NOS1: variants seen among roughly 807,000 people sequenced by gnomAD.
NOS1 encodes NOS type I.
NOS1 carries 51 observed loss-of-function variants against 164.5 expected under a neutral mutation model. The observed-to-expected ratio is 0.31, with a 90% CI of 0.25 to 0.39. The LOEUF is 0.39. Ranked by LOEUF, NOS1 falls within the 10% of genes least tolerant of loss-of-function variation. The pLI is 1.00. For synonymous variants in NOS1, 719 were observed against 745.8 expected (o/e 0.96, Z 0.59); for missense variants, 1,362 against 1,885.6 (o/e 0.72, Z 5.14).
intron 28 of NOS1, 60 bp downstream of exon 28, chr12:117,217,986 C>A: frequency 1.7e-6 from 2 of 1,206,568 alleles, no homozygotes; most frequent in Non-Finnish European, 2.5e-6. Flanking sequence ...CATTCCTGCC[C>A]AGTGGGACCT....
Position 117,255,924 on chromosome 12 carries a change from T to C in NOS1, c.2532-2170A>G, listed in dbSNP as rs544424542. 4.0e-6 allele frequency: 6 copies of C among 1,482,762 alleles called. No homozygotes were observed. The East Asian group carries it at 1.6e-4, about 40-fold the overall frequency. 91.9% of individuals were successfully genotyped at this position (1,482,762 alleles called of 1,614,324 possible). ...TCGCACACACCTGCGTGTACACACA[T>C]GCACACTCTACCTGTGCTGGCTGTC... On this transcript the variant is annotated intron_variant, in intron 16 of 28. Transcript: ENST00000317775.
intron 6 of NOS1, 146 bp downstream of exon 6, chr12:117,285,958 G>A (rs1874083630): frequency 1.2e-6 from 1 of 805,472 alleles, no homozygotes; most frequent in Middle Eastern, 3.8e-4. Context: ...ATCTTGGAAT[G>A]TGGGACCCCG....
chr12:117,248,333 C>T (rs9658459), intron 17 of NOS1, among the ~76,000 whole-genome samples: 14,474 of 151,064 alleles, frequency 0.096, 2,152 homozygotes, highest in African/African-American at 0.32. Flanking sequence ...TCTCCCAATG[C>T]TATCCCTCCC....
At position 117,215,106 on chromosome 12, in the gene NOS1, T is replaced by G. The variant is rs982107291; in HGVS notation, c.*203A>C. ...AGAGCCACTGCAGATTAGAAAAGCA[T>G]TGCATCGCAGCAGGAAAACTCAAGG... On this transcript the variant is annotated 3_prime_UTR_variant, in exon 29 of 29. Transcript: ENST00000317775. The G allele has an allele frequency of 3.9e-6, 5 of 1,269,574 alleles. No homozygotes were observed. The Admixed American group carries it at 1.9e-4, about 49-fold the overall frequency. The allele number at this position is 1,269,574 out of a possible 1,614,324, so 78.6% of individuals were successfully genotyped here. A position where few individuals can be genotyped will look rare whatever the true frequency, so the allele number is the denominator to read the frequency against.
At chr12:117,262,176 A>G (rs9658412) in intron 13 of NOS1, among the ~76,000 whole-genome samples, 3 of 152,216 alleles carry the variant, frequency 2.0e-5, no homozygotes, top group Non-Finnish European at 4.4e-5. Context: ...GTTCCCTTTG[A>G]ATAATTTGAG....
chr12:117,232,022 C>T lies in NOS1; in HGVS notation c.3345G>A (p.Gln1115=). ...ITTPPTPLQL[Q]QFASLATSEK... Reference sequence around the variant, plus strand: ...CGCTGGTAGCTAGGGAGGCAAACTGCTGCAGCTGCAGAGGCGTTGGTGGCG... The same window carrying T: ...CGCTGGTAGCTAGGGAGGCAAACTGTTGCAGCTGCAGAGGCGTTGGTGGCG... Residue 1115 remains glutamine (Q), a synonymous_variant, in exon 22 of 29, where the codon CAG becomes CAA. Coordinates refer to ENST00000317775, the MANE Select transcript of NOS1 (RefSeq NM_000620.5). 6.2e-7 allele frequency: 1 copy of T among 1,612,820 alleles called. No individual in the cohort carries two copies. The highest frequency in any genetic ancestry group is 8.5e-7 in the Non-Finnish European group (1 of 1,180,018).
chr12:117,251,875 G>A (rs1330687371), intron 17 of NOS1, among the ~76,000 whole-genome samples: 1 of 151,566 alleles, frequency 6.6e-6, no homozygotes, highest in Non-Finnish European at 1.5e-5. Context: ...GGGACCACAG[G>A]TGCATGCCAC....
At chr12:117,341,114 T>C (rs1876091822) in intron 1 of NOS1, among the ~76,000 whole-genome samples, 1 of 152,112 alleles carries the variant, frequency 6.6e-6, no homozygotes, top group African/African-American at 2.4e-5. Flanking sequence ...TATTACTAAT[T>C]ATCATCACGT....
At chr12:117,302,594 CAAAAAAAAAA>C (rs144113071) in intron 3 of NOS1, among the ~76,000 whole-genome samples, 5 of 72,966 alleles carry the variant, frequency 6.9e-5, no homozygotes, top group Non-Finnish European at 1.3e-4. Flanking sequence ...GACTCCGTCT[CAAAAAAAAAA>C]AAAAAAAAAA....
chr12:117,338,376 G>A (rs961104416), intron 1 of NOS1, among the ~76,000 whole-genome samples: 4 of 150,778 alleles, frequency 2.7e-5, no homozygotes, highest in Non-Finnish European at 5.9e-5. Context: ...ATTCCAGCCT[G>A]GGTGACAGAA....
chr12:117,215,719 C>T (rs1157168040), intron 28 of NOS1, among the ~76,000 whole-genome samples: 1 of 152,114 alleles, frequency 6.6e-6, no homozygotes, highest in Non-Finnish European at 1.5e-5. Context: ...AGGCGTGAGC[C>T]ACTGCACCCG....
At chr12:117,335,539 A>G (rs1875764875) in intron 1 of NOS1, among the ~76,000 whole-genome samples, 1 of 151,990 alleles carries the variant, frequency 6.6e-6, no homozygotes, top group South Asian at 2.1e-4. Flanking sequence ...GGAAGCCCAA[A>G]TAGGCCAGCG....
chr12:117,263,300 G>A (rs1475591024), intron 13 of NOS1, among the ~76,000 whole-genome samples: 1 of 152,002 alleles, frequency 6.6e-6, no homozygotes, highest in African/African-American at 2.4e-5. Flanking sequence ...GTAGTGTGCT[G>A]GAGCTGACTA....
intron 27 of NOS1, among the ~76,000 whole-genome samples, chr12:117,219,009 C>T (rs1333528794): frequency 2.7e-5 from 4 of 148,356 alleles, no homozygotes; most frequent in Admixed American, 6.7e-5. Flanking sequence ...GACAGAGTCT[C>T]GCTCTGTCAC....
chr12:117,256,284 G>GGTTTTTTTTTTTTTTTT (rs1555252509), intron 16 of NOS1, among the ~76,000 whole-genome samples: 1 of 118,488 alleles, frequency 8.4e-6, no homozygotes, highest in Non-Finnish European at 1.6e-5. Context: ...GGGATTTTCT[G>GGTTTTTTTTTTTTTTTT]TTTTTTTTTT....
Position 117,253,620 on chromosome 12 carries a change from C to T in NOS1, c.2648+18G>A, listed in dbSNP as rs550165778. ...CTTAGTCTTCCCTGACCCCCGACCC[C>T]CTTATCCCCTTGCTCACCTCACATT... On this transcript the variant is annotated intron_variant, in intron 17 of 28. Transcript: ENST00000317775. The T allele has an allele frequency of 6.3e-7, 1 of 1,576,628 alleles. No individual in the cohort carries two copies. Among genetic ancestry groups the T allele is most frequent in the African/African-American group, 1.3e-5 (1 of 74,126 alleles).
chr12:117,273,919 G>A (rs1872974175), intron 9 of NOS1, among the ~76,000 whole-genome samples: 1 of 149,782 alleles, frequency 6.7e-6, no homozygotes, highest in Non-Finnish European at 1.5e-5. Flanking sequence ...AAGATTTTAT[G>A]AATAAGACCT....
chr12:117,212,062 T>A lies in NOS1; in HGVS notation c.*3247A>T. 1.1e-6 allele frequency: 1 copy of A among 894,148 alleles called. No individual in the cohort carries two copies. Among genetic ancestry groups the A allele is most frequent in the South Asian group, 5.8e-5 (1 of 17,170 alleles). The allele number at this position is 894,148 out of a possible 1,614,324, so 55.4% of individuals were successfully genotyped here. ...GCCTGGGTGACAGAGCAAGACTCTG[T>A]CAAAAAAAAAAATAGATTCTAACCT... On this transcript the variant is annotated 3_prime_UTR_variant, in exon 29 of 29. Transcript: ENST00000317775.
At chr12:117,225,298 C>T (rs918733488) in intron 24 of NOS1, among the ~76,000 whole-genome samples, 161 bp from the exon 25 acceptor site, 4 of 152,162 alleles carry the variant, frequency 2.6e-5, no homozygotes, top group Admixed American at 6.5e-5. Flanking sequence ...GGAGTCTCAT[C>T]GATTAGGGGA....
Sources: gnomAD v4.1 joint callset for allele counts (sites outside exome capture counted in the v4.1 genomes callset) on GRCh38, gnomAD v4.1.1 for gene constraint, MANE v1.5 for transcripts, NCBI Gene and HGNC (gene_info 2026-07-23, HGNC 2026-07-21) for gene names.